The following NCOA2 variants were observed in gnomAD, a reference collection of about 807,000 sequenced individuals.
NCOA2 encodes nuclear receptor coactivator 2.
In NCOA2, 21 loss-of-function variants were observed where a neutral mutation model predicts 145.1. The observed-to-expected ratio is 0.14, with a 90% CI of 0.10 to 0.21. The LOEUF is 0.21. Among genes scored for constraint, NCOA2 ranks in the 10% least tolerant of loss-of-function variants. The probability of loss-of-function intolerance (pLI) is 1.00; values close to 1 mark genes in which losing one functional copy is unlikely to be tolerated. For synonymous variants in NCOA2, 619 were observed against 637.5 expected (o/e 0.97, Z 0.44); for missense variants, 1,472 against 1,837.6 (o/e 0.80, Z 3.64).
At chr8:70,423,597 T>A in the NCOA2 span, among the ~76,000 whole-genome samples, 12 of 152,170 alleles carry the variant, frequency 7.9e-5, no homozygotes. Context: ...ATTTGTCCTT[T>A]TTGGAGGTCT....
At chr8:70,143,647 T>C (rs529880807) in intron 13 of NCOA2, among the ~76,000 whole-genome samples, 7 of 152,250 alleles carry the variant, frequency 4.6e-5, no homozygotes, top group African/African-American at 1.4e-4. Flanking sequence ...TTATAAACAA[T>C]AGAAAGTTAA....
chr8:70,218,558 T>G (rs1819865441), intron 2 of NCOA2, among the ~76,000 whole-genome samples: 1 of 152,202 alleles, frequency 6.6e-6, no homozygotes, highest in African/African-American at 2.4e-5. Context: ...GAGACCAGCC[T>G]GAACAACGTA....
Position 70,244,374 on chromosome 8 carries a change from A to G in NCOA2, c.-19-27610T>C, listed in dbSNP as rs192542959. On this transcript the variant is annotated intron_variant, in intron 2 of 22. Transcript: ENST00000452400. ...GAGACAGGTACAGACTGCTATGAGAATTAATAGCATTAACATGAGCAAAAG... is the reference window on the plus strand; with the variant it reads ...GAGACAGGTACAGACTGCTATGAGAGTTAATAGCATTAACATGAGCAAAAG... Among the ~76,000 whole-genome samples the G allele has an allele frequency of 1.8e-4, 27 of 152,238 alleles. No individual in the cohort carries two copies. In the East Asian group the frequency reaches 3.9e-3, roughly 22 times the overall value.
chr8:70,413,287 C>T, the NCOA2 span, among the ~76,000 whole-genome samples: 1 of 152,058 alleles, frequency 6.6e-6, no homozygotes, highest in Non-Finnish European at 1.5e-5. Context: ...GTGCAACCCT[C>T]AACACTATCC....
chr8:70,384,467 T>C (rs1812490419), intron 1 of NCOA2, among the ~76,000 whole-genome samples: 1 of 152,156 alleles, frequency 6.6e-6, no homozygotes, highest in Non-Finnish European at 1.5e-5. Context: ...GTTCCAACAT[T>C]GAGTTTAATC....
At chr8:70,157,620 T>G (rs1812434213) in intron 10 of NCOA2, among the ~76,000 whole-genome samples, 1 of 151,890 alleles carries the variant, frequency 6.6e-6, no homozygotes, top group Non-Finnish European at 1.5e-5. Context: ...CTGTCTTCAG[T>G]TTTTTTTCCA....
intron 1 of NCOA2, among the ~76,000 whole-genome samples, chr8:70,298,029 C>T (rs1267895304): frequency 6.6e-6 from 1 of 152,030 alleles, no homozygotes; most frequent in Admixed American, 6.5e-5. Context: ...AAACATTAAA[C>T]ACTACTAGAT....
intron 4 of NCOA2, among the ~76,000 whole-genome samples, chr8:70,178,683 C>T (rs949141458): frequency 1.3e-5 from 2 of 152,224 alleles, no homozygotes; most frequent in Non-Finnish European, 2.9e-5. Context: ...TAGGGCTAAA[C>T]AGCAAGCCCT....
At chr8:70,330,115 T>A (rs1806954401) in intron 1 of NCOA2, among the ~76,000 whole-genome samples, 1 of 152,038 alleles carries the variant, frequency 6.6e-6, no homozygotes, top group African/African-American at 2.4e-5. Context: ...ATTTAACCTA[T>A]CTAAACCTAT....
In NCOA2 at chr8:70,264,698, C is replaced by T. The variant is rs184978788; in HGVS notation, c.-20+32046G>A. 8.8e-4 allele frequency among the ~76,000 whole-genome samples: 134 copies of T among 152,044 alleles called. 1 individual carries two copies. The highest frequency in any genetic ancestry group is 3.1e-3 in the African/African-American group (130 of 41,494). ...TATCATGAACAAAAATGTTCACTGC[C>T]GGAATACTTGAAATTGGAAAAAATT... On this transcript the variant is annotated intron_variant, in intron 2 of 22. Coordinates refer to ENST00000452400, the MANE Select transcript of NCOA2 (RefSeq NM_006540.4).
chr8:70,395,694 T>C (rs149423644), intron 1 of NCOA2, among the ~76,000 whole-genome samples: 1 of 152,338 alleles, frequency 6.6e-6, no homozygotes, highest in Admixed American at 6.5e-5. Context: ...TTAAATCATG[T>C]ACTGATTTTA....
At chr8:70,265,857 CAG>C (rs1824534310) in intron 2 of NCOA2, among the ~76,000 whole-genome samples, 1 of 151,704 alleles carries the variant, frequency 6.6e-6, no homozygotes, top group African/African-American at 2.4e-5. Context: ...TTTAAAGAGA[CAG>C]AGTCGGCTGG....
chr8:70,301,286 T>C (rs1285317283), intron 1 of NCOA2, among the ~76,000 whole-genome samples: 2 of 152,096 alleles, frequency 1.3e-5, no homozygotes, highest in African/African-American at 2.4e-5. Flanking sequence ...TCAGCCCAAA[T>C]GTAGGCCTCA....
intron 2 of NCOA2, among the ~76,000 whole-genome samples, chr8:70,265,611 T>G (rs1824502648): frequency 6.6e-6 from 1 of 152,200 alleles, no homozygotes; most frequent in African/African-American, 2.4e-5. Context: ...AAATACTGAC[T>G]TCCTCTTCTT....
intron 11 of NCOA2, among the ~76,000 whole-genome samples, chr8:70,151,767 C>A (rs1811781381): frequency 6.6e-6 from 1 of 152,144 alleles, no homozygotes; most frequent in African/African-American, 2.4e-5. Context: ...TATTCCTTGT[C>A]AATTTATGGA....
chr8:70,374,087 C>T (rs1163419350), intron 1 of NCOA2, among the ~76,000 whole-genome samples: 3 of 152,106 alleles, frequency 2.0e-5, no homozygotes, highest in African/African-American at 7.2e-5. Flanking sequence ...TGGAAAACAA[C>T]ACTGAAAATA....
At chr8:70,363,103 G>A (rs1181508093) in intron 1 of NCOA2, among the ~76,000 whole-genome samples, 1 of 137,498 alleles carries the variant, frequency 7.3e-6, no homozygotes, top group Non-Finnish European at 1.6e-5. Context: ...AAAAAAAAAG[G>A]CCTGGCACGG....
At chr8:70,147,772 C>G (rs4738072) in intron 12 of NCOA2, among the ~76,000 whole-genome samples, 8,501 of 152,064 alleles carry the variant, frequency 0.056, 310 homozygotes, top group East Asian at 0.16. Flanking sequence ...GTGTGTAGCC[C>G]TTTCATGTAA....
At chr8:70,429,956 G>A in the NCOA2 span, among the ~76,000 whole-genome samples, 56 of 152,258 alleles carry the variant, frequency 3.7e-4, no homozygotes, top group African/African-American at 1.3e-3. Context: ...GGGCTGAAGC[G>A]ATCCCCCTGT....
Sources: gnomAD v4.1 joint callset for allele counts (sites outside exome capture counted in the v4.1 genomes callset) on GRCh38, gnomAD v4.1.1 for gene constraint, MANE v1.5 for transcripts, NCBI Gene and HGNC (gene_info 2026-07-23, HGNC 2026-07-21) for gene names.